Variants in GRHL2 observed in about 807,000 individuals in gnomAD.
GRHL2 encodes the protein grainyhead-like protein 2 homolog.
In GRHL2, 21 loss-of-function variants were observed where a neutral mutation model predicts 83.8. The observed-to-expected ratio is 0.25, with a 90% CI of 0.18 to 0.36. The LOEUF is 0.36. Ranked by LOEUF, GRHL2 falls within the 10% of genes least tolerant of loss-of-function variation. The pLI is 1.00. For synonymous variants in GRHL2, 280 were observed against 278.9 expected (o/e 1.00, Z -0.04); for missense variants, 623 against 781.8 (o/e 0.80, Z 2.42).
intron 14 of GRHL2, among the ~76,000 whole-genome samples, chr8:101,658,277 C>T (rs1337373113): frequency 6.6e-6 from 1 of 152,212 alleles, no homozygotes; most frequent in Non-Finnish European, 1.5e-5. Context: ...GCCCCCAAAC[C>T]ATCTCAACAT....
intron 10 of GRHL2, 33 bp from the exon 11 acceptor site, chr8:101,632,193 C>T (rs1289347027): frequency 6.2e-7 from 1 of 1,610,660 alleles, no homozygotes; most frequent in Non-Finnish European, 8.5e-7. Context: ...ATATATGACT[C>T]TCTCATTTAT....
chr8:101,553,149 CT>C (rs1390232373), intron 3 of GRHL2, among the ~76,000 whole-genome samples: 1 of 152,150 alleles, frequency 6.6e-6, no homozygotes, highest in Non-Finnish European at 1.5e-5. Context: ...TGAAGGATTG[CT>C]TTTGATGATC....
Position 101,664,608 on chromosome 8 carries a change from G to T in GRHL2, c.1763+90G>T, listed in dbSNP as rs1457862619. 4.4e-6 allele frequency: 4 copies of T among 911,220 alleles called. No homozygotes were observed. In the African/African-American group the frequency reaches 6.6e-5, roughly 15 times the overall value. The allele number at this position is 911,220 out of a possible 1,614,324, so 56.4% of individuals were successfully genotyped here. A position where few individuals can be genotyped will look rare whatever the true frequency, so the allele number is the denominator to read the frequency against. Reference sequence around the variant, plus strand: ...TAAAATGATGCCTGTCTTTTGTTAGGTCTGTTGCCCACTTTTCATAAAAAT... The same window carrying T: ...TAAAATGATGCCTGTCTTTTGTTAGTTCTGTTGCCCACTTTTCATAAAAAT... On this transcript the variant is annotated intron_variant, in intron 15 of 15. Coordinates refer to ENST00000646743, the MANE Select transcript of GRHL2 (RefSeq NM_024915.4).
intron 3 of GRHL2, among the ~76,000 whole-genome samples, chr8:101,555,363 TA>T (rs1811469678): frequency 6.6e-6 from 1 of 152,144 alleles, no homozygotes; most frequent in South Asian, 2.1e-4. Flanking sequence ...GGGTTTTGAC[TA>T]AACAGGTGAA....
chr8:101,628,354 A>G (rs1813120588), intron 9 of GRHL2, among the ~76,000 whole-genome samples: 1 of 152,020 alleles, frequency 6.6e-6, no homozygotes, highest in Non-Finnish European at 1.5e-5. Context: ...CAAAGCCTGG[A>G]TGACAGCTTA....
chr8:101,603,690 A>G (rs1019625474), intron 8 of GRHL2, among the ~76,000 whole-genome samples: 1 of 152,210 alleles, frequency 6.6e-6, no homozygotes, highest in African/African-American at 2.4e-5. Context: ...GCTGGTTGTG[A>G]GACAGAGTCT....
intron 7 of GRHL2, 56 bp downstream of exon 7, chr8:101,577,575 A>C: frequency 8.5e-7 from 1 of 1,178,384 alleles, no homozygotes; most frequent in Non-Finnish European, 1.3e-6. Flanking sequence ...TGTTGTCTCA[A>C]TGCCAAGGGG....
chr8:101,672,602 A>G (rs1183732036), downstream of GRHL2, among the ~76,000 whole-genome samples: 2 of 151,816 alleles, frequency 1.3e-5, no homozygotes, highest in African/African-American at 4.9e-5. Context: ...AGTGATGGGG[A>G]GAATGGAACC....
chr8:101,579,175 G>A (rs868126654), intron 7 of GRHL2, among the ~76,000 whole-genome samples: 44 of 152,166 alleles, frequency 2.9e-4, no homozygotes, highest in African/African-American at 1.0e-3. Flanking sequence ...TAGAGCAGAG[G>A]AACAATTTTA....
intron 4 of GRHL2, chr8:101,562,409 T>C: frequency 3.4e-6 from 2 of 584,276 alleles, no homozygotes; most frequent in South Asian, 4.1e-5. Context: ...TCTGAACACC[T>C]TGCAATTATT....
chr8:101,531,485 G>C (rs1256014178), intron 1 of GRHL2, among the ~76,000 whole-genome samples: 1 of 151,960 alleles, frequency 6.6e-6, no homozygotes, highest in Non-Finnish European at 1.5e-5. Context: ...AAGATTACTT[G>C]ACAAGTCAAA....
At chr8:101,528,082 A>G (rs1810844256) in intron 1 of GRHL2, among the ~76,000 whole-genome samples, 1 of 152,072 alleles carries the variant, frequency 6.6e-6, no homozygotes, top group Non-Finnish European at 1.5e-5. Flanking sequence ...GCTGTAAGAC[A>G]TTATTATTCT....
chr8:101,650,080 C>G (rs1813590047), intron 14 of GRHL2, among the ~76,000 whole-genome samples: 1 of 152,222 alleles, frequency 6.6e-6, no homozygotes, highest in Non-Finnish European at 1.5e-5. Flanking sequence ...ACTCCCTTCA[C>G]TCCCAACTGC....
At chr8:101,558,248 A>T (rs1463677812) in intron 3 of GRHL2, among the ~76,000 whole-genome samples, 171 bp from the exon 4 acceptor site, 1 of 152,116 alleles carries the variant, frequency 6.6e-6, no homozygotes, top group Non-Finnish European at 1.5e-5. Context: ...TCGTGGTCCT[A>T]CTTCTAGTGA....
chr8:101,542,559 A>G (rs1403096210), intron 1 of GRHL2, among the ~76,000 whole-genome samples: 1 of 151,896 alleles, frequency 6.6e-6, no homozygotes, highest in African/African-American at 2.4e-5. Flanking sequence ...GTCTCAGAAA[A>G]AAAAAAAAAA....
At chr8:101,560,319 C>T (rs981612129) in intron 4 of GRHL2, among the ~76,000 whole-genome samples, 10 of 152,172 alleles carry the variant, frequency 6.6e-5, no homozygotes, top group South Asian at 2.1e-4. Context: ...TGAGCCACTA[C>T]GCCCAGCCTT....
chr8:101,600,286 G>A (rs1340735458), intron 8 of GRHL2, among the ~76,000 whole-genome samples: 3 of 152,208 alleles, frequency 2.0e-5, no homozygotes, highest in South Asian at 4.1e-4. Context: ...GCCTTGCCAT[G>A]GGGTGTGAGG....
intron 1 of GRHL2, among the ~76,000 whole-genome samples, chr8:101,523,164 G>A (rs908835454): frequency 6.6e-6 from 1 of 150,878 alleles, no homozygotes; most frequent in African/African-American, 2.4e-5. Context: ...CACCCACCTC[G>A]GCCTCCCAAA....
At chr8:101,492,936 G>A in intron 1 of GRHL2, 147 bp downstream of exon 1, 2 of 760,174 alleles carry the variant, frequency 2.6e-6, no homozygotes, top group Admixed American at 2.0e-5. Flanking sequence ...AGACTTTTCC[G>A]CATTATGTTT....
Sources: allele counts gnomAD v4.1 joint callset (sites outside exome capture counted in the v4.1 genomes callset), GRCh38; gene constraint gnomAD v4.1.1; transcripts MANE v1.5; gene names NCBI Gene and HGNC (gene_info 2026-07-23, HGNC 2026-07-21).